The following CDH13 variants were observed in gnomAD, a reference collection of about 807,000 sequenced individuals.
The protein encoded by CDH13 is cadherin-13.
CDH13 carries 24 observed loss-of-function variants against 63.8 expected under a neutral mutation model. The observed-to-expected ratio is 0.38, with a 90% CI of 0.27 to 0.53. The LOEUF is 0.53. Ranked by LOEUF, CDH13 falls within the 20% of genes least tolerant of loss-of-function variation. The pLI is 0.85. For synonymous variants in CDH13, 503 were observed against 355.3 expected (o/e 1.42, Z -4.67); for missense variants, 1,049 against 903.1 (o/e 1.16, Z -2.07).
intron 1 of CDH13, among the ~76,000 whole-genome samples, chr16:82,855,556 G>C (rs1169739205): frequency 6.6e-6 from 1 of 152,146 alleles, no homozygotes; most frequent in Admixed American, 6.5e-5. Flanking sequence ...TTGCAAAATT[G>C]CCAGCAGATT....
At chr16:83,219,168 G>T (rs2039624000) in intron 5 of CDH13, among the ~76,000 whole-genome samples, 1 of 152,166 alleles carries the variant, frequency 6.6e-6, no homozygotes, top group Non-Finnish European at 1.5e-5. Context: ...TACCCTCCCT[G>T]ATCTTGGGAT....
intron 1 of CDH13, among the ~76,000 whole-genome samples, chr16:82,850,877 C>G (rs925608778): frequency 6.6e-6 from 1 of 152,136 alleles, no homozygotes; most frequent in Non-Finnish European, 1.5e-5. Flanking sequence ...AAGGTATGTA[C>G]ATTGTTTTTA....
intron 11 of CDH13, among the ~76,000 whole-genome samples, chr16:83,761,836 G>A (rs928090785): frequency 1.3e-5 from 2 of 152,170 alleles, no homozygotes; most frequent in East Asian, 3.9e-4. Context: ...GGAGGCTGAG[G>A]CAGGTGGGTC....
In CDH13 at chr16:83,798,625, C is replaced by G. The variant is rs756787579; in HGVS notation, c.*3595C>G. The G allele has an allele frequency of 1.3e-5, 2 of 152,140 alleles. No homozygotes were observed. The highest frequency in any genetic ancestry group is 3.9e-4 in the East Asian group (2 of 5,182). 9.4% of individuals were successfully genotyped at this position (152,140 alleles called of 1,614,324 possible). ...TCTGGCTCCAGGGTTCATGTTCTTC[C>G]GACAACATCACAATGCCACTCTCAA... On this transcript the variant is annotated 3_prime_UTR_variant, in exon 14 of 14. Transcript: ENST00000567109.
intron 1 of CDH13, among the ~76,000 whole-genome samples, chr16:82,760,215 C>A (rs769513332): frequency 1.8e-4 from 27 of 152,176 alleles, no homozygotes; most frequent in Non-Finnish European, 3.2e-4. Context: ...GCACCCGGCT[C>A]ATTGCGGGTA....
intron 1 of CDH13, among the ~76,000 whole-genome samples, chr16:82,828,631 T>C (rs2038375853): frequency 6.9e-6 from 1 of 144,314 alleles, no homozygotes; most frequent in South Asian, 2.3e-4. Context: ...AAAATAAAAA[T>C]AAAAATAGAT....
chr16:82,696,087 GA>G (rs2030254647), intron 1 of CDH13, among the ~76,000 whole-genome samples: 2 of 152,124 alleles, frequency 1.3e-5, no homozygotes, highest in Admixed American at 1.3e-4. Flanking sequence ...CTTGACCAGG[GA>G]AAGCCCCTAG....
chr16:82,839,420 C>T (rs766901387), intron 1 of CDH13, among the ~76,000 whole-genome samples: 1 of 152,190 alleles, frequency 6.6e-6, no homozygotes, highest in Non-Finnish European at 1.5e-5. Context: ...CGTGTGCCAT[C>T]AATTTCCTGC....
At chr16:83,533,221 C>G (rs897869887) in intron 7 of CDH13, among the ~76,000 whole-genome samples, 2 of 152,194 alleles carry the variant, frequency 1.3e-5, no homozygotes, top group Non-Finnish European at 2.9e-5. Context: ...CATAGGTAAA[C>G]TTCCCCTCAA....
At chr16:83,793,349 C>G (rs1916395908) in intron 13 of CDH13, among the ~76,000 whole-genome samples, 1 of 152,156 alleles carries the variant, frequency 6.6e-6, no homozygotes, top group South Asian at 2.1e-4. Flanking sequence ...AGAGCCAGAG[C>G]CTCTCCCAGC....
chr16:83,249,784 AACAAACAG>A (rs1260049623), intron 5 of CDH13, among the ~76,000 whole-genome samples: 4 of 152,188 alleles, frequency 2.6e-5, no homozygotes, highest in Non-Finnish European at 4.4e-5. Flanking sequence ...TCTTTCTTGG[AACAAACAG>A]GATTTGGAAG....
intron 5 of CDH13, among the ~76,000 whole-genome samples, chr16:83,319,943 T>G (rs1226131923): frequency 6.6e-6 from 1 of 152,226 alleles, no homozygotes; most frequent in Non-Finnish European, 1.5e-5. Context: ...CAGTAGACGT[T>G]AGGCATCATG....
chr16:83,706,545 T>A lies in CDH13; in HGVS notation c.1538+28084T>A, dbSNP rs181719685. Among the ~76,000 whole-genome samples, 109 of 152,316 alleles carry A rather than the reference T, an allele frequency of 7.2e-4. 2 individuals carry two copies. Among genetic ancestry groups the A allele is most frequent in the Non-Finnish European group, 1.5e-3 (100 of 68,028 alleles). On this transcript the variant is annotated intron_variant, in intron 10 of 13. Coordinates refer to ENST00000567109, the MANE Select transcript of CDH13 (RefSeq NM_001257.5). The stretch of plus-strand genomic sequence containing the variant: ...TTCATTGCTCATTAGCTCTGTGGCA[T>A]GGGGAAATCAGTGAACCCTTTACTG...
At chr16:83,051,281 A>T (rs74030374) in intron 3 of CDH13, among the ~76,000 whole-genome samples, 2 of 152,094 alleles carry the variant, frequency 1.3e-5, no homozygotes, top group African/African-American at 4.8e-5. Context: ...CTTATCTTCT[A>T]TGTTCACTGA....
intron 6 of CDH13, among the ~76,000 whole-genome samples, chr16:83,417,277 C>G (rs1242081215): frequency 1.3e-5 from 2 of 152,170 alleles, no homozygotes; most frequent in South Asian, 2.1e-4. Context: ...TCCTTATCTT[C>G]TCCCCAGAAC....
intron 5 of CDH13, among the ~76,000 whole-genome samples, chr16:83,283,688 G>A (rs1275105448): frequency 2.0e-5 from 3 of 152,144 alleles, no homozygotes; most frequent in African/African-American, 7.2e-5. Context: ...CTTTATCCCT[G>A]AGGTGCCTTT....
chr16:82,716,205 CATG>C (rs1567459750), intron 1 of CDH13, among the ~76,000 whole-genome samples: 1 of 152,156 alleles, frequency 6.6e-6, no homozygotes, highest in African/African-American at 2.4e-5. Flanking sequence ...TGGGTTCAGG[CATG>C]TCCTCTGCTT....
chr16:82,663,815 C>T (rs193122344), intron 1 of CDH13, among the ~76,000 whole-genome samples: 4 of 152,192 alleles, frequency 2.6e-5, no homozygotes, highest in South Asian at 2.1e-4. Flanking sequence ...TTGTGATCCT[C>T]TTCTAGGAGA....
intron 5 of CDH13, among the ~76,000 whole-genome samples, chr16:83,303,000 G>A (rs2089786402): frequency 6.6e-6 from 1 of 152,226 alleles, no homozygotes; most frequent in Non-Finnish European, 1.5e-5. Context: ...TATCATGGCT[G>A]CTGTCATTTC....
Sources: gnomAD v4.1 joint callset for allele counts (sites outside exome capture counted in the v4.1 genomes callset) on GRCh38, gnomAD v4.1.1 for gene constraint, MANE v1.5 for transcripts, NCBI Gene and HGNC (gene_info 2026-07-23, HGNC 2026-07-21) for gene names.